BMP5: variants seen among roughly 807,000 people sequenced by gnomAD.
BMP5 encodes bone morphogenetic protein 5.
A neutral mutation model predicts 46.6 loss-of-function variants in BMP5; 23 were observed. That is an observed-to-expected ratio of 0.49 (90% CI 0.35 to 0.70). The LOEUF is 0.70. Among genes scored for constraint, BMP5 ranks in the 30% least tolerant of loss-of-function variants. The probability of loss-of-function intolerance (pLI) is 0.00; values close to 1 mark genes in which losing one functional copy is unlikely to be tolerated. For synonymous variants in BMP5, 204 were observed against 191.9 expected, an observed-to-expected ratio of 1.06 and a Z score of -0.52; for missense variants, 545 against 565.6, an observed-to-expected ratio of 0.96 and a Z score of 0.37.
At chr6:55,834,377 A>G (rs1041341561) in intron 1 of BMP5, among the ~76,000 whole-genome samples, 17 of 152,182 alleles carry the variant, frequency 1.1e-4, no homozygotes, top group African/African-American at 4.1e-4. Flanking sequence ...TACTAATATT[A>G]TCTGCATTCG....
intron 1 of BMP5, among the ~76,000 whole-genome samples, chr6:55,867,181 T>A (rs1777662935): frequency 6.6e-6 from 1 of 152,130 alleles, no homozygotes; most frequent in Non-Finnish European, 1.5e-5. Flanking sequence ...AAGCATATGG[T>A]CTGGGTATTT....
At chr6:55,766,443 C>T (rs1045849307) in intron 4 of BMP5, among the ~76,000 whole-genome samples, 1 of 151,996 alleles carries the variant, frequency 6.6e-6, no homozygotes, top group African/African-American at 2.4e-5. Flanking sequence ...TTACTCTCAA[C>T]ACTCCCCTCT....
chr6:55,854,377 C>T lies in BMP5; in HGVS notation c.490+19999G>A, dbSNP rs147874260. Among the ~76,000 whole-genome samples, 534 of 151,944 alleles carry T rather than the reference C, an allele frequency of 3.5e-3. 6 individuals are homozygous for T. Among genetic ancestry groups the T allele is most frequent in the African/African-American group, 0.012 (512 of 41,470 alleles). Reference sequence around the variant, plus strand: ...AATTGACCAAGATGTTGATATTGATCAATATTTTTTCATTTCAATAAAATT... The same window carrying T: ...AATTGACCAAGATGTTGATATTGATTAATATTTTTTCATTTCAATAAAATT... On this transcript the variant is annotated intron_variant, in intron 1 of 6. Coordinates refer to ENST00000370830, the MANE Select transcript of BMP5 (RefSeq NM_021073.4).
Position 55,838,002 on chromosome 6 carries a change from G to A in BMP5, c.491-18155C>T, listed in dbSNP as rs377734864. Reference sequence around the variant, plus strand: ...AAACGACTGGGTCTCATTCTTTTTCGTGGCTGAATAATACTCCATTGAGTA... The same window carrying A: ...AAACGACTGGGTCTCATTCTTTTTCATGGCTGAATAATACTCCATTGAGTA... On this transcript the variant is annotated intron_variant, in intron 1 of 6. Coordinates refer to ENST00000370830, the MANE Select transcript of BMP5 (RefSeq NM_021073.4). Among the ~76,000 whole-genome samples the A allele has an allele frequency of 5.3e-4, 81 of 152,068 alleles. No homozygotes were observed. In the South Asian group the frequency reaches 0.016, roughly 30 times the overall value.
intron 3 of BMP5, among the ~76,000 whole-genome samples, chr6:55,780,262 A>G (rs1775276626): frequency 6.6e-6 from 1 of 151,782 alleles, no homozygotes; most frequent in South Asian, 2.1e-4. Context: ...AGGAAGGGCT[A>G]TTATTAGTAG....
intron 4 of BMP5, among the ~76,000 whole-genome samples, chr6:55,760,831 AC>A (rs1211118801): frequency 6.6e-6 from 1 of 151,940 alleles, no homozygotes; most frequent in Non-Finnish European, 1.5e-5. Context: ...TTCATTGAGT[AC>A]CATCTGCTCA....
intron 2 of BMP5, among the ~76,000 whole-genome samples, chr6:55,798,076 CTG>C (rs1554182231): frequency 3.3e-5 from 5 of 152,158 alleles, no homozygotes; most frequent in Non-Finnish European, 7.3e-5. Flanking sequence ...GGCTTGTAGA[CTG>C]TTGTCTTCTC....
At chr6:55,802,395 G>C (rs1460089746) in intron 2 of BMP5, among the ~76,000 whole-genome samples, 1 of 152,142 alleles carries the variant, frequency 6.6e-6, no homozygotes, top group Non-Finnish European at 1.5e-5. Context: ...TGAGTAATGA[G>C]GAGTATGCAT....
chr6:55,822,447 A>G (rs1388261720), intron 1 of BMP5, among the ~76,000 whole-genome samples: 2 of 152,178 alleles, frequency 1.3e-5, no homozygotes, highest in Admixed American at 6.6e-5. Context: ...ACCCTGCTTG[A>G]CAAATACTAT....
chr6:55,825,785 T>C (rs1352469706), intron 1 of BMP5, among the ~76,000 whole-genome samples: 4 of 151,842 alleles, frequency 2.6e-5, no homozygotes, highest in African/African-American at 9.7e-5. Context: ...AGGAGATGCA[T>C]TCATGGGCAA....
At chr6:55,796,716 G>A (rs1775721873) in intron 2 of BMP5, among the ~76,000 whole-genome samples, 1 of 134,738 alleles carries the variant, frequency 7.4e-6, no homozygotes, top group African/African-American at 2.8e-5. Context: ...TGTTCTCATT[G>A]TTCAATTCTC....
At chr6:55,844,847 C>A (rs17735107) in intron 1 of BMP5, among the ~76,000 whole-genome samples, 8,568 of 151,690 alleles carry the variant, frequency 0.056, 321 homozygotes, top group Middle Eastern at 0.13. Context: ...TGTTTAGAAC[C>A]AACCAAAATG....
intron 1 of BMP5, among the ~76,000 whole-genome samples, chr6:55,831,580 T>C (rs901980237): frequency 7.9e-5 from 12 of 151,800 alleles, no homozygotes; most frequent in Admixed American, 3.3e-4. Flanking sequence ...AAAGATTGAA[T>C]TGAGCAAATT....
At chr6:55,788,054 C>T (rs1411556564) in intron 3 of BMP5, among the ~76,000 whole-genome samples, 2 of 151,506 alleles carry the variant, frequency 1.3e-5, no homozygotes, top group Non-Finnish European at 3.0e-5. Context: ...TAAAATCCTG[C>T]TTGTAATTCA....
At chr6:55,768,701 C>T (rs1056731562) in intron 4 of BMP5, among the ~76,000 whole-genome samples, 39 of 152,086 alleles carry the variant, frequency 2.6e-4, no homozygotes, top group African/African-American at 8.9e-4. Context: ...CAGTATCCAG[C>T]ATACAATAGC....
chr6:55,766,232 C>G (rs1774913624), intron 4 of BMP5, among the ~76,000 whole-genome samples: 1 of 152,224 alleles, frequency 6.6e-6, no homozygotes, highest in Non-Finnish European at 1.5e-5. Context: ...TTTATCCCTG[C>G]TCCTCTTTGA....
In BMP5 at chr6:55,753,754, T is replaced by C. The variant is rs1184156187; in HGVS notation, c.*1779A>G. On this transcript the variant is annotated 3_prime_UTR_variant, in exon 7 of 7. Transcript: ENST00000370830. ...AAGAATCATGTGATCCACAAACAGT[T>C]TACATTTGATAAATATTCTTATTGT... is the stretch of plus-strand genomic sequence containing the variant. The C allele has an allele frequency of 6.6e-6, 1 of 150,914 alleles. No individual in the cohort carries two copies. The highest frequency in any genetic ancestry group is 6.6e-5 in the Admixed American group (1 of 15,096). The allele number at this position is 150,914 out of a possible 1,614,324, so 9.3% of individuals were successfully genotyped here.
intron 1 of BMP5, among the ~76,000 whole-genome samples, chr6:55,837,907 G>T (rs973179982): frequency 3.3e-5 from 5 of 152,244 alleles, no homozygotes; most frequent in African/African-American, 1.2e-4. Context: ...GAGAACATGC[G>T]TTGCTTGTCT....
chr6:55,790,196 T>C (rs1373460713), intron 3 of BMP5, among the ~76,000 whole-genome samples: 1 of 152,232 alleles, frequency 6.6e-6, no homozygotes, highest in Non-Finnish European at 1.5e-5. Flanking sequence ...TACATTAAAC[T>C]GGTTTAGTTA....
Sources: allele counts gnomAD v4.1 joint callset (sites outside exome capture counted in the v4.1 genomes callset), GRCh38; gene constraint gnomAD v4.1.1; transcripts MANE v1.5; gene names NCBI Gene and HGNC (gene_info 2026-07-23, HGNC 2026-07-21).